The following CSMD1 variants were observed in gnomAD, a reference collection of about 807,000 sequenced individuals.
CSMD1 encodes the protein CUB and sushi domain-containing protein 1.
Under a neutral mutation model 417.5 loss-of-function variants are expected in CSMD1, and 213 were observed. The observed-to-expected ratio is 0.51, with a 90% CI of 0.46 to 0.57. The LOEUF is 0.57. CSMD1 is among the 20% of genes least tolerant of loss of function. CSMD1 has a pLI of 0.00. For synonymous variants in CSMD1, 2,862 were observed against 1,736.8 expected (o/e 1.65, Z -16.11); for missense variants, 6,923 against 4,529.7 (o/e 1.53, Z -15.17).
chr8:3,737,471 C>T, intron 6 of CSMD1, among the ~76,000 whole-genome samples: 1 of 152,222 alleles, frequency 6.6e-6, no homozygotes, highest in Non-Finnish European at 1.5e-5. Context: ...TAAATGCCAT[C>T]ATCTTGCTCT....
intron 5 of CSMD1, among the ~76,000 whole-genome samples, chr8:3,968,004 T>TAAAAAAAAAAAAAAAAAAA (rs11330461): frequency 1.0e-5 from 1 of 98,890 alleles, no homozygotes; most frequent in African/African-American, 4.4e-5. Flanking sequence ...CGTCACTGCT[T>TAAAAAAAAAAAAAAAAAAA]AAAAAAAAAA....
intron 40 of CSMD1, among the ~76,000 whole-genome samples, chr8:3,146,267 A>T (rs1818839050): frequency 1.3e-5 from 2 of 152,056 alleles, no homozygotes; most frequent in South Asian, 4.2e-4. Flanking sequence ...AAGAAAACGG[A>T]GACCGAAATC....
At chr8:4,961,718 T>C (rs767546787) in intron 1 of CSMD1, among the ~76,000 whole-genome samples, 32 of 152,134 alleles carry the variant, frequency 2.1e-4, no homozygotes, top group Non-Finnish European at 2.5e-4. Flanking sequence ...GTAATTTTAT[T>C]TGGCTGATAT....
At chr8:3,580,403 G>A (rs1464800764) in intron 9 of CSMD1, among the ~76,000 whole-genome samples, 1 of 152,096 alleles carries the variant, frequency 6.6e-6, no homozygotes, top group African/African-American at 2.4e-5. Context: ...CCTGGGGGGA[G>A]GCGGATACTC....
chr8:4,070,547 C>T (rs191033854), intron 3 of CSMD1, among the ~76,000 whole-genome samples: 2,554 of 152,106 alleles, frequency 0.017, 37 homozygotes, highest in Non-Finnish European at 0.021. Context: ...TTAGTAGAGA[C>T]GGGGTTTCAC....
At chr8:3,646,759 C>G (rs1233254657) in intron 7 of CSMD1, among the ~76,000 whole-genome samples, 1 of 152,160 alleles carries the variant, frequency 6.6e-6, no homozygotes, top group African/African-American at 2.4e-5. Flanking sequence ...AGAACGTTTT[C>G]ATGGATAACC....
intron 51 of CSMD1, among the ~76,000 whole-genome samples, chr8:3,020,113 G>A (rs558350906): frequency 3.3e-5 from 5 of 152,188 alleles, no homozygotes; most frequent in Admixed American, 6.5e-5. Context: ...TGCCAGACAG[G>A]AGCCAGGCAG....
chr8:3,445,703 T>A (rs773095455), intron 12 of CSMD1, among the ~76,000 whole-genome samples: 1 of 152,158 alleles, frequency 6.6e-6, no homozygotes, highest in Admixed American at 6.5e-5. Flanking sequence ...CAAGGCCATG[T>A]AGCAAATGAG....
intron 1 of CSMD1, among the ~76,000 whole-genome samples, chr8:4,793,223 T>C (rs996812209): frequency 3.3e-5 from 5 of 152,148 alleles, no homozygotes; most frequent in East Asian, 1.9e-4. Flanking sequence ...CAAGACATGA[T>C]CATGAGTTAG....
chr8:4,890,334 G>A (rs976915121), intron 1 of CSMD1, among the ~76,000 whole-genome samples: 5 of 152,154 alleles, frequency 3.3e-5, no homozygotes, highest in African/African-American at 9.7e-5. Flanking sequence ...AGGTTCCTAT[G>A]GATTAGAGTA....
intron 12 of CSMD1, among the ~76,000 whole-genome samples, chr8:3,466,053 T>C (rs1023622630): frequency 6.6e-6 from 1 of 152,166 alleles, no homozygotes; most frequent in Non-Finnish European, 1.5e-5. Context: ...GAAAACATCA[T>C]GTTTGTAGAA....
At chr8:4,248,571 C>G (rs139262617) in intron 3 of CSMD1, among the ~76,000 whole-genome samples, 5 of 152,186 alleles carry the variant, frequency 3.3e-5, no homozygotes, top group African/African-American at 1.2e-4. Flanking sequence ...TTGGCTAACT[C>G]TCTCACCTCC....
At chr8:3,220,395 G>C (rs1170979475) in intron 28 of CSMD1, among the ~76,000 whole-genome samples, 1 of 152,156 alleles carries the variant, frequency 6.6e-6, no homozygotes, top group Admixed American at 6.5e-5. Context: ...CAAGGGCTGG[G>C]CTGTGTTTGC....
intron 26 of CSMD1, among the ~76,000 whole-genome samples, chr8:3,266,874 G>T (rs1801472535): frequency 6.6e-6 from 1 of 151,978 alleles, no homozygotes; most frequent in Admixed American, 6.6e-5. Context: ...ACAGAGTGAT[G>T]AGTGTAGAAA....
At chr8:4,373,866 C>G (rs1210927032) in intron 3 of CSMD1, among the ~76,000 whole-genome samples, 2 of 151,962 alleles carry the variant, frequency 1.3e-5, no homozygotes, top group Non-Finnish European at 2.9e-5. Context: ...ATAATTCTTT[C>G]TTTTGCTTTA....
chr8:4,188,579 C>T (rs1265218408), intron 3 of CSMD1, among the ~76,000 whole-genome samples: 2 of 152,058 alleles, frequency 1.3e-5, no homozygotes, highest in Admixed American at 6.5e-5. Context: ...TGTCAACTGA[C>T]GCGCCCTACA....
At chr8:3,773,507 G>A (rs908436945) in intron 5 of CSMD1, among the ~76,000 whole-genome samples, 3 of 152,066 alleles carry the variant, frequency 2.0e-5, no homozygotes, top group African/African-American at 7.2e-5. Flanking sequence ...GGCTGGTCTT[G>A]AACTCCTGGA....
chr8:4,412,213 C>T (rs1464343370), intron 3 of CSMD1, among the ~76,000 whole-genome samples: 2 of 152,098 alleles, frequency 1.3e-5, no homozygotes, highest in Admixed American at 6.6e-5. Flanking sequence ...TTGTAACCCC[C>T]AGTATTGGAG....
chr8:4,451,239 G>A (rs188346619), intron 2 of CSMD1, among the ~76,000 whole-genome samples: 1 of 152,098 alleles, frequency 6.6e-6, no homozygotes, highest in Non-Finnish European at 1.5e-5. Context: ...GCTAAGGAGG[G>A]AAGATGGCTT....
Sources: gnomAD v4.1 joint callset for allele counts (sites outside exome capture counted in the v4.1 genomes callset) on GRCh38, gnomAD v4.1.1 for gene constraint, MANE v1.5 for transcripts, NCBI Gene and HGNC (gene_info 2026-07-23, HGNC 2026-07-21) for gene names.